Variants in PTPRT observed in about 807,000 individuals in gnomAD.
PTPRT encodes the protein receptor-type tyrosine-protein phosphatase T.
A neutral mutation model predicts 176.8 loss-of-function variants in PTPRT; 56 were observed. That is an observed-to-expected ratio of 0.32 (90% CI 0.26 to 0.40). The LOEUF (loss-of-function observed/expected upper bound fraction) is 0.40. Among genes scored for constraint, PTPRT ranks in the 10% least tolerant of loss-of-function variants. PTPRT has a pLI of 1.00. For synonymous variants in PTPRT, 783 were observed against 739.0 expected, an observed-to-expected ratio of 1.06 and a Z score of -0.96; for missense variants, 1,540 against 1,908.2, an observed-to-expected ratio of 0.81 and a Z score of 3.60.
At chr20:42,143,913 G>A (rs1233002124) in intron 17 of PTPRT, among the ~76,000 whole-genome samples, 1 of 152,250 alleles carries the variant, frequency 6.6e-6, no homozygotes, top group Non-Finnish European at 1.5e-5. Flanking sequence ...TTGGCACAAA[G>A]TTGGGGTAGT....
intron 7 of PTPRT, among the ~76,000 whole-genome samples, chr20:42,551,003 T>C (rs1216854436): frequency 2.6e-5 from 4 of 152,130 alleles, no homozygotes; most frequent in East Asian, 1.9e-4. Context: ...AACTGGGTAA[T>C]GTACTTAACC....
At chr20:42,661,390 A>G (rs554877327) in intron 7 of PTPRT, among the ~76,000 whole-genome samples, 53 of 152,358 alleles carry the variant, frequency 3.5e-4, no homozygotes, top group African/African-American at 1.3e-3. Flanking sequence ...AGACACAAGC[A>G]AAAAATATAT....
intron 14 of PTPRT, among the ~76,000 whole-genome samples, chr20:42,243,633 A>C (rs1053810227): frequency 6.6e-6 from 1 of 152,196 alleles, no homozygotes; most frequent in Non-Finnish European, 1.5e-5. Flanking sequence ...AGCCCCAGAG[A>C]GGAAAGTGGT....
chr20:42,495,787 T>G (rs1308510705), intron 7 of PTPRT, among the ~76,000 whole-genome samples: 1 of 152,142 alleles, frequency 6.6e-6, no homozygotes, highest in Non-Finnish European at 1.5e-5. Flanking sequence ...CCATGTTTCC[T>G]TTTCATATAT....
intron 9 of PTPRT, among the ~76,000 whole-genome samples, chr20:42,409,194 T>G (rs1461298124): frequency 6.6e-6 from 1 of 152,122 alleles, no homozygotes; most frequent in African/African-American, 2.4e-5. Context: ...TTGAAGGTAT[T>G]ATTTGTAGCC....
intron 7 of PTPRT, among the ~76,000 whole-genome samples, chr20:42,526,512 T>C (rs1218112653): frequency 6.6e-6 from 1 of 152,168 alleles, no homozygotes; most frequent in Non-Finnish European, 1.5e-5. Context: ...TTGATACTTC[T>C]CTGTGACATA....
intron 1 of PTPRT, among the ~76,000 whole-genome samples, chr20:42,894,535 A>C (rs1174655507): frequency 6.6e-6 from 1 of 152,198 alleles, no homozygotes; most frequent in Non-Finnish European, 1.5e-5. Context: ...TTAAAAAAAA[A>C]AACTATCCCA....
chr20:42,730,088 G>C (rs2076437834), intron 6 of PTPRT, among the ~76,000 whole-genome samples: 1 of 152,182 alleles, frequency 6.6e-6, no homozygotes, highest in Non-Finnish European at 1.5e-5. Flanking sequence ...CCAAACACAT[G>C]AATCCATGTC....
intron 3 of PTPRT, among the ~76,000 whole-genome samples, chr20:42,784,306 G>C (rs1418940495): frequency 2.0e-5 from 3 of 152,166 alleles, no homozygotes; most frequent in African/African-American, 4.8e-5. Context: ...TATAGTTCTT[G>C]AGCAGAAAAT....
At chr20:43,100,545 T>C (rs2012355948) in intron 1 of PTPRT, among the ~76,000 whole-genome samples, 1 of 152,200 alleles carries the variant, frequency 6.6e-6, no homozygotes, top group Non-Finnish European at 1.5e-5. Flanking sequence ...GGCCTTGACA[T>C]AGAACCTGAA....
intron 2 of PTPRT, among the ~76,000 whole-genome samples, chr20:42,794,283 T>C (rs985685253): frequency 1.3e-5 from 2 of 152,104 alleles, no homozygotes; most frequent in African/African-American, 4.8e-5. Context: ...TTTCCAGGCC[T>C]GGTTGGTAAA....
intron 7 of PTPRT, among the ~76,000 whole-genome samples, chr20:42,665,500 G>A (rs1293301318): frequency 2.0e-5 from 3 of 152,222 alleles, no homozygotes; most frequent in South Asian, 2.1e-4. Context: ...TGGTGGGACT[G>A]TAAACTAGTT....
intron 19 of PTPRT, among the ~76,000 whole-genome samples, chr20:42,125,783 T>G (rs1987824286): frequency 6.6e-6 from 1 of 152,200 alleles, no homozygotes; most frequent in African/African-American, 2.4e-5. Context: ...CAGATGCTCA[T>G]TCAACTTTGG....
chr20:42,099,328 A>G (rs1202541936), intron 26 of PTPRT, among the ~76,000 whole-genome samples: 1 of 152,114 alleles, frequency 6.6e-6, no homozygotes, highest in Admixed American at 6.5e-5. Flanking sequence ...GAATGATGTC[A>G]CACAGATTGA....
intron 1 of PTPRT, among the ~76,000 whole-genome samples, chr20:42,940,527 AG>A (rs1442747011): frequency 6.6e-6 from 1 of 152,194 alleles, no homozygotes; most frequent in African/African-American, 2.4e-5. Flanking sequence ...GAAGTTGAAG[AG>A]GAGATGGGAG....
At position 42,106,698 on chromosome 20, in the gene PTPRT, C is replaced by G. The variant is rs537334275; in HGVS notation, c.3390+88G>C. ...ACCCAGGTCCTTTCCATAGGATGCC[C>G]CTACCTATGTGTCTCTCCGTTCTAT... On this transcript the variant is annotated intron_variant, in intron 24 of 30. Coordinates refer to ENST00000373187, the MANE Select transcript of PTPRT (RefSeq NM_007050.6). 3.3e-5 allele frequency: 49 copies of G among 1,506,976 alleles called. 1 individual carries two copies. In the South Asian group the frequency reaches 5.5e-4, roughly 17 times the overall value. 93.4% of individuals were successfully genotyped at this position (1,506,976 alleles called of 1,614,324 possible). A position where few individuals can be genotyped will look rare whatever the true frequency, so the allele number is the denominator to read the frequency against.
At chr20:42,206,524 C>T (rs984215696) in intron 15 of PTPRT, among the ~76,000 whole-genome samples, 24 of 152,298 alleles carry the variant, frequency 1.6e-4, no homozygotes, top group Admixed American at 2.0e-4. Context: ...GGGTGACGGA[C>T]GGCACCTGGA....
intron 7 of PTPRT, among the ~76,000 whole-genome samples, chr20:42,639,860 C>A (rs953362584): frequency 2.0e-5 from 3 of 152,176 alleles, no homozygotes; most frequent in African/African-American, 7.2e-5. Context: ...AGGCACCTGT[C>A]TTTTTACTCT....
intron 2 of PTPRT, among the ~76,000 whole-genome samples, chr20:42,805,361 T>C (rs552856941): frequency 1.3e-5 from 2 of 152,292 alleles, no homozygotes; most frequent in Non-Finnish European, 2.9e-5. Context: ...CAGTTTATAG[T>C]GGCCTTGTCT....
Sources: gnomAD v4.1 joint callset for allele counts (sites outside exome capture counted in the v4.1 genomes callset) on GRCh38, gnomAD v4.1.1 for gene constraint, MANE v1.5 for transcripts, NCBI Gene and HGNC (gene_info 2026-07-23, HGNC 2026-07-21) for gene names.